Variants in NELL2 observed in about 807,000 individuals in gnomAD.
NELL2 encodes protein kinase C-binding protein NELL2.
Under a neutral mutation model 109.6 loss-of-function variants are expected in NELL2, and 41 were observed. The observed-to-expected ratio is 0.37, with a 90% CI of 0.29 to 0.49. The LOEUF is 0.49. NELL2 is among the 20% of genes least tolerant of loss of function. The probability of loss-of-function intolerance (pLI) is 0.98; values close to 1 mark genes in which losing one functional copy is unlikely to be tolerated. For missense variants in NELL2, 900 were observed against 1,008.3 expected (o/e 0.89, Z 1.45); for synonymous variants, 355 against 344.7 (o/e 1.03, Z -0.33).
chr12:44,644,484 G>A (rs1946979665), intron 13 of NELL2, among the ~76,000 whole-genome samples: 2 of 150,578 alleles, frequency 1.3e-5, no homozygotes, highest in Admixed American at 1.3e-4. Context: ...GTCTTCATTT[G>A]ATGCAGGCTC....
chr12:44,862,849 G>A (rs1259754029), intron 2 of NELL2, among the ~76,000 whole-genome samples: 3 of 152,056 alleles, frequency 2.0e-5, no homozygotes, highest in African/African-American at 7.2e-5. Flanking sequence ...AAAGAAAAAA[G>A]AAGGAAATGG....
intron 13 of NELL2, among the ~76,000 whole-genome samples, chr12:44,647,354 G>T (rs1442787687): frequency 2.6e-5 from 4 of 152,132 alleles, no homozygotes; most frequent in African/African-American, 4.8e-5. Flanking sequence ...TTGAATAAGG[G>T]TTCCTCCACT....
chr12:44,896,282 A>T (rs2136875361), intron 1 of NELL2, among the ~76,000 whole-genome samples: 1 of 152,310 alleles, frequency 6.6e-6, no homozygotes, highest in South Asian at 2.1e-4. Flanking sequence ...AGCAAAGTTT[A>T]AAAAAAGAAG....
chr12:44,575,128 C>T (rs996613142), intron 15 of NELL2, among the ~76,000 whole-genome samples: 2 of 152,198 alleles, frequency 1.3e-5, no homozygotes, highest in African/African-American at 2.4e-5. Context: ...CTATTGTCCT[C>T]AGTGTCTAGA....
intron 5 of NELL2, 68 bp from the exon 6 acceptor site, chr12:44,777,382 G>C (rs1941798158): frequency 2.4e-6 from 3 of 1,241,414 alleles, no homozygotes; most frequent in Non-Finnish European, 3.5e-6. Flanking sequence ...CAATGGTCAA[G>C]TTCATGAAGG....
chr12:44,611,529 G>C (rs1488600947), intron 13 of NELL2, among the ~76,000 whole-genome samples: 1 of 152,026 alleles, frequency 6.6e-6, no homozygotes, highest in Non-Finnish European at 1.5e-5. Flanking sequence ...AAAGAAAGCA[G>C]CACAAATCTA....
chr12:44,807,667 A>T (rs1426701609), intron 3 of NELL2, among the ~76,000 whole-genome samples: 1 of 152,044 alleles, frequency 6.6e-6, no homozygotes, highest in African/African-American at 2.4e-5. Context: ...CATTAGAAAT[A>T]TTTTTTAATG....
intron 9 of NELL2, among the ~76,000 whole-genome samples, chr12:44,751,578 T>G (rs932154321): frequency 6.6e-6 from 1 of 152,192 alleles, no homozygotes; most frequent in African/African-American, 2.4e-5. Context: ...AAAATCCACA[T>G]GTATGGATGA....
chr12:44,875,743 TC>T, intron 1 of NELL2, 71 bp downstream of exon 1: 3 of 1,610,290 alleles, frequency 1.9e-6, no homozygotes, highest in Non-Finnish European at 1.7e-6. Context: ...AAGCGAGGCT[TC>T]CCCAGCCAGC....
At chr12:44,703,226 T>A (rs1434064624) in intron 12 of NELL2, among the ~76,000 whole-genome samples, 1 of 152,234 alleles carries the variant, frequency 6.6e-6, no homozygotes, top group African/African-American at 2.4e-5. Context: ...TTAAGATTTT[T>A]AAAAATTAAC....
chr12:44,729,142 A>T (rs956288384), intron 9 of NELL2, among the ~76,000 whole-genome samples: 4 of 152,174 alleles, frequency 2.6e-5, no homozygotes, highest in Admixed American at 2.0e-4. Context: ...TAACTTAAAG[A>T]TAAAAACATA....
At position 44,876,298 on chromosome 12, in the gene NELL2, T is replaced by G; in HGVS notation, c.-429A>C. Reference sequence around the variant, plus strand: ...CGTCTTCCCCGCCGCCCGAACCTGTTGTAAAGGCAGAGACAATGGAGAAAG... The same window carrying G: ...CGTCTTCCCCGCCGCCCGAACCTGTGGTAAAGGCAGAGACAATGGAGAAAG... On this transcript the variant is annotated 5_prime_UTR_variant, in exon 1 of 20. Transcript: ENST00000429094. The G allele has an allele frequency of 2.6e-6, 3 of 1,162,850 alleles. No individual in the cohort carries two copies. Among genetic ancestry groups the G allele is most frequent in the African/African-American group, 1.6e-5 (1 of 63,168 alleles). The allele number at this position is 1,162,850 out of a possible 1,614,324, so 72.0% of individuals were successfully genotyped here.
intron 10 of NELL2, among the ~76,000 whole-genome samples, chr12:44,712,668 G>A (rs899965006): frequency 3.3e-5 from 5 of 151,872 alleles, no homozygotes; most frequent in African/African-American, 1.2e-4. Context: ...GAAGAATTTA[G>A]TACAAAAGCT....
intron 1 of NELL2, among the ~76,000 whole-genome samples, chr12:44,908,788 T>A (rs1264519118): frequency 6.6e-6 from 1 of 152,006 alleles, no homozygotes; most frequent in Non-Finnish European, 1.5e-5. Context: ...TTTTTGCCTT[T>A]TACAGAGTGC....
chr12:44,780,703 T>A (rs1299568876), intron 3 of NELL2, among the ~76,000 whole-genome samples: 1 of 151,932 alleles, frequency 6.6e-6, no homozygotes, highest in Non-Finnish European at 1.5e-5. Flanking sequence ...GGAAGCCTAC[T>A]AAGGAGTCAG....
chr12:44,684,590 T>C (rs903823561), intron 12 of NELL2, among the ~76,000 whole-genome samples: 2 of 152,310 alleles, frequency 1.3e-5, no homozygotes, highest in African/African-American at 4.8e-5. Flanking sequence ...CTGCTTTGAA[T>C]GTGTCCCAGA....
At chr12:44,727,347 G>A (rs1482572956) in intron 9 of NELL2, among the ~76,000 whole-genome samples, 1 of 151,742 alleles carries the variant, frequency 6.6e-6, no homozygotes, top group Non-Finnish European at 1.5e-5. Flanking sequence ...GTCAATTTAG[G>A]GAGTTTTTAC....
At chr12:44,616,244 T>C (rs562166449) in intron 13 of NELL2, among the ~76,000 whole-genome samples, 38 of 152,310 alleles carry the variant, frequency 2.5e-4, no homozygotes, top group African/African-American at 9.1e-4. Flanking sequence ...CTAATGTATT[T>C]CTCCTGCCAC....
chr12:44,686,689 C>G (rs547739314), intron 12 of NELL2, among the ~76,000 whole-genome samples: 2,292 of 148,438 alleles, frequency 0.015, 89 homozygotes, highest in African/African-American at 0.056. Context: ...AGGTGTCAGT[C>G]TGCCCCTGCT....
Sources: allele counts gnomAD v4.1 joint callset (sites outside exome capture counted in the v4.1 genomes callset), GRCh38; gene constraint gnomAD v4.1.1; transcripts MANE v1.5; gene names NCBI Gene and HGNC (gene_info 2026-07-23, HGNC 2026-07-21).